ZNF692: variants seen among roughly 807,000 people sequenced by gnomAD.
ZNF692 encodes AICAR responsive element binding protein.
A neutral mutation model predicts 49.0 loss-of-function variants in ZNF692; 41 were observed. That is an observed-to-expected ratio of 0.84 (90% CI 0.65 to 1.08). The LOEUF is 1.08. Among genes scored for constraint, ZNF692 ranks in the 50% least tolerant of loss-of-function variants. ZNF692 has a pLI of 0.00. For missense variants in ZNF692, 662 were observed against 662.2 expected (o/e 1.00, Z 0.00); for synonymous variants, 288 against 251.5 (o/e 1.15, Z -1.37).
chr1:248,856,245 C>T (rs1660219736), intron 6 of ZNF692, 43 bp downstream of exon 6: 1 of 1,538,194 alleles, frequency 6.5e-7, no homozygotes, highest in Admixed American at 2.1e-5. Flanking sequence ...GGCCAGCTGC[C>T]TCCCTCTCTT....
At position 248,858,595 on chromosome 1, in the gene ZNF692, C is replaced by A; in HGVS notation, c.-12-274G>T. The A allele has an allele frequency of 6.5e-7, 1 of 1,537,296 alleles. No individual in the cohort carries two copies. On this transcript the variant is annotated intron_variant, in intron 1 of 11. Transcript: ENST00000306601. The surrounding 1 kb of genome is among the most constrained non-coding windows in gnomAD (Gnocchi z 4.3). ...CGCCCTCCAGTCCACTGAAGTGGAG[C>A]TGTGGGGAAGGGGCGAGAGACTTTC... is the stretch of plus-strand genomic sequence containing the variant.
rs1660529733 is a variant in ZNF692, at chr1:248,858,584, C to T, written c.-12-263G>A. On this transcript the variant is annotated intron_variant, in intron 1 of 11. Transcript: ENST00000306601. This position sits in a 1 kb window ranked among gnomAD's most constrained non-coding sequence, Gnocchi z 4.3. ...ACAAAGGCCTGCGCCCTCCAGTCCACTGAAGTGGAGCTGTGGGGAAGGGGC... is the reference window on the plus strand; with the variant it reads ...ACAAAGGCCTGCGCCCTCCAGTCCATTGAAGTGGAGCTGTGGGGAAGGGGC... 1.9e-6 allele frequency: 3 copies of T among 1,547,504 alleles called. No homozygotes were observed. Among genetic ancestry groups the T allele is most frequent in the African/African-American group, 1.4e-5 (1 of 73,076 alleles).
chr1:248,856,040 A>T lies in ZNF692; in HGVS notation c.660-94T>A. The stretch of plus-strand genomic sequence containing the variant: ...AGCCCCTAAACTGAAAAGATCTCAA[A>T]CTTGAAACAACCCTACCCCCACCCT... On this transcript the variant is annotated intron_variant, in intron 6 of 11. Transcript: ENST00000306601. The T allele has an allele frequency of 3.7e-6, 5 of 1,369,148 alleles. No homozygotes were observed. The South Asian group carries it at 6.5e-5, about 18-fold the overall frequency. The allele number at this position is 1,369,148 out of a possible 1,614,324, so 84.8% of individuals were successfully genotyped here.
chr1:248,858,242 C>T lies in ZNF692; in HGVS notation c.68G>A (p.Arg23His). The T allele has an allele frequency of 6.3e-7, 1 of 1,586,982 alleles. No homozygotes were observed. Among genetic ancestry groups the T allele is most frequent in the East Asian group, 2.3e-5 (1 of 43,882 alleles). ...CAGGCGGATGCGGCACTTGCTGCGG[C>T]GCGCGTCCAGCTGCCGCCGCTTCTC... ...RREKRRQLDARRSKCRIRLGG... is the reference protein window; with the variant it reads ...RREKRRQLDAHRSKCRIRLGG... The change falls in exon 2 of 12, where the codon CGC (arginine) becomes CAC (histidine). Residue 23 changes from arginine to histidine, a missense_variant. Arg to His is a conservative substitution (Grantham distance 29). Coordinates refer to ENST00000306601, the MANE Select transcript of ZNF692 (RefSeq NM_017865.4). This position sits in a 1 kb window ranked among gnomAD's most constrained non-coding sequence, Gnocchi z 4.3.
chr1:248,850,982 C>A (rs747141634), intron 10 of ZNF692: 2 of 697,538 alleles, frequency 2.9e-6, no homozygotes, highest in South Asian at 3.0e-5. Flanking sequence ...AGATACGAAC[C>A]CAGCTAAAAG....
In ZNF692 at chr1:248,855,706, G is replaced by T; in HGVS notation, c.881+19C>A. 1 of 1,614,192 alleles carries T rather than the reference G, an allele frequency of 6.2e-7. No homozygotes were observed. The highest frequency in any genetic ancestry group is 8.5e-7 in the Non-Finnish European group (1 of 1,180,022). ...ATCCCAGGACGCCCCTGCCCTTTCT[G>T]TCTCAGCCATCAGGTTACCTGGCCA... On this transcript the variant is annotated intron_variant, in intron 7 of 11. Coordinates refer to ENST00000306601, the MANE Select transcript of ZNF692 (RefSeq NM_017865.4).
chr1:248,857,255 T>G lies in ZNF692; in HGVS notation c.454A>C (p.Thr152Pro), dbSNP rs1457958009. 5.6e-6 allele frequency: 9 copies of G among 1,613,862 alleles called. No homozygotes were observed. The highest frequency in any genetic ancestry group is 7.6e-6 in the Non-Finnish European group (9 of 1,179,892). The change falls in exon 4 of 12, where the codon ACG (threonine) becomes CCG (proline). Residue 152 changes from threonine (T) to proline (P), a missense_variant. Coordinates refer to ENST00000306601, the MANE Select transcript of ZNF692 (RefSeq NM_017865.4). The part of the protein sequence containing the change: ...TTRRSWCSEA[T>P]SGQELADLES... Reference sequence around the variant, plus strand: ...CTACCTGCAAGCTCCTGCCCACTCGTGGCCTCGGAACACCAACTTCTCCGA... The same window carrying G: ...CTACCTGCAAGCTCCTGCCCACTCGGGGCCTCGGAACACCAACTTCTCCGA...
At position 248,858,278 on chromosome 1, in the gene ZNF692, C is replaced by T. The variant is rs1340438067; in HGVS notation, c.32G>A (p.Cys11Tyr). MASSPAVDVS[C>Y]RRREKRRQLD... ...CTGCCGCCGCTTCTCCCGCCGCCTG[C>T]AGGACACGTCCACCGCCGGGGAGGA... is the stretch of plus-strand genomic sequence containing the variant. The change falls in exon 2 of 12, where the codon TGC becomes TAC. Residue 11 changes from cysteine to tyrosine, a missense_variant. By Grantham distance (194) the Cys-to-Tyr change is radical (BLOSUM62 -2). Coordinates refer to ENST00000306601, the MANE Select transcript of ZNF692 (RefSeq NM_017865.4). This position sits in a 1 kb window ranked among gnomAD's most constrained non-coding sequence, Gnocchi z 4.3. 1 of 1,582,196 alleles carries T rather than the reference C, an allele frequency of 6.3e-7. No homozygotes were observed.
chr1:248,856,331 G>T lies in ZNF692; in HGVS notation c.616C>A (p.Leu206Ile). 1.9e-6 allele frequency: 3 copies of T among 1,609,440 alleles called. No individual in the cohort carries two copies. The highest frequency in any genetic ancestry group is 2.5e-6 in the Non-Finnish European group (3 of 1,177,408). ...EDNDEDEEEM[L>I]SDASLWTYSS... Reference sequence around the variant, plus strand: ...TAGGTCCATAAGCTGGCATCACTGAGCATCTCCTCTTCATCCTCATCATTG... The same window carrying T: ...TAGGTCCATAAGCTGGCATCACTGATCATCTCCTCTTCATCCTCATCATTG... The change falls in exon 6 of 12, where the codon CTC (leucine) becomes ATC (isoleucine). Residue 206 changes from leucine to isoleucine, a missense_variant. Coordinates refer to ENST00000306601, the MANE Select transcript of ZNF692 (RefSeq NM_017865.4).
intron 10 of ZNF692, 91 bp from the exon 11 acceptor site, chr1:248,850,872 C>G (rs1659494662): frequency 8.8e-7 from 1 of 1,133,110 alleles, no homozygotes; most frequent in Admixed American, 2.0e-5. Flanking sequence ...CCAGAGTGCA[C>G]CGTATTGGAG....
chr1:248,853,655 C>A (rs1021985009), intron 10 of ZNF692, among the ~76,000 whole-genome samples: 3 of 152,230 alleles, frequency 2.0e-5, no homozygotes, highest in Admixed American at 1.3e-4. Context: ...TCTTCATAGC[C>A]CTGTATCACT....
chr1:248,857,367 G>A lies in ZNF692; in HGVS notation c.342C>T (p.Cys114=), dbSNP rs768199207. ...GGQDGGLVWE[C]SAGHTFSWGP... is the part of the protein sequence containing the mutation. ...CCCAGGAGAAGGTATGGCCTGCTGA[G>A]CACTCCCACACAAGCCCCCCATCTT... The change falls in exon 4 of 12, where the codon TGC becomes TGT. Residue 114 remains cysteine, a synonymous_variant. Transcript: ENST00000306601. 1.2e-6 allele frequency: 2 copies of A among 1,614,140 alleles called. No individual in the cohort carries two copies. Among genetic ancestry groups the A allele is most frequent in the Admixed American group, 1.7e-5 (1 of 60,016 alleles).
chr1:248,857,166 C>A, intron 4 of ZNF692, 68 bp downstream of exon 4: 1 of 1,469,528 alleles, frequency 6.8e-7, no homozygotes, highest in South Asian at 1.3e-5. Context: ...GAACAGGGTT[C>A]TGAGCTACAG....
At position 248,857,242 on chromosome 1, in the gene ZNF692, T is replaced by A; in HGVS notation, c.467A>T (p.Glu156Val). The change falls in exon 4 of 12, where the codon GAG becomes GTG. Residue 156 changes from glutamate (E) to valine (V), a missense_variant. Coordinates refer to ENST00000306601, the MANE Select transcript of ZNF692 (RefSeq NM_017865.4). ...GCTTTTTTCCAGCCTACCTGCAAGC[T>A]CCTGCCCACTCGTGGCCTCGGAACA... ...SWCSEATSGQ[E>V]LADLESEHDE... The A allele has an allele frequency of 6.2e-7, 1 of 1,608,834 alleles. No homozygotes were observed. The highest frequency in any genetic ancestry group is 1.1e-5 in the South Asian group (1 of 90,930).
chr1:248,858,280 G>C lies in ZNF692; in HGVS notation c.30C>G (p.Ser10=). 6.3e-7 allele frequency: 1 copy of C among 1,582,792 alleles called. No homozygotes were observed. Among genetic ancestry groups the C allele is most frequent in the South Asian group, 1.1e-5 (1 of 88,444 alleles). The part of the protein sequence containing the change: MASSPAVDV[S]CRRREKRRQL... The stretch of plus-strand genomic sequence containing the variant: ...GCCGCCGCTTCTCCCGCCGCCTGCA[G>C]GACACGTCCACCGCCGGGGAGGAAG... Residue 10 remains serine (S), a synonymous_variant, in exon 2 of 12, where the codon TCC becomes TCG. Coordinates refer to ENST00000306601, the MANE Select transcript of ZNF692 (RefSeq NM_017865.4). The surrounding 1 kb of genome is among the most constrained non-coding windows in gnomAD (Gnocchi z 4.3).
At position 248,850,290 on chromosome 1, in the gene ZNF692, C is replaced by A; in HGVS notation, c.1480G>T (p.Ala494Ser). The A allele has an allele frequency of 6.2e-7, 1 of 1,609,474 alleles. No individual in the cohort carries two copies. The highest frequency in any genetic ancestry group is 8.5e-7 in the Non-Finnish European group (1 of 1,177,028). The change falls in exon 12 of 12, where the codon GCC becomes TCC. Residue 494 changes from alanine to serine, a missense_variant. Physicochemically the swap from Ala to Ser is moderately conservative, Grantham distance 99. Transcript: ENST00000306601. ...TCGCTGGATCCCAGAGGCCCAGGGGCAGAGATGCTGGGACAGGGCTCTAGG... is the reference window on the plus strand; with the variant it reads ...TCGCTGGATCCCAGAGGCCCAGGGGAAGAGATGCTGGGACAGGGCTCTAGG... Reference protein sequence around the residue: ...GPLEPCPSISAPGPLGSSEGS... With the variant: ...GPLEPCPSISSPGPLGSSEGS...
At position 248,855,846 on chromosome 1, in the gene ZNF692, C is replaced by A. The variant is rs1255637168; in HGVS notation, c.760G>T (p.Ala254Ser). Residue 254 changes from alanine (A) to serine (S), a missense_variant, in exon 7 of 12, where the codon GCT becomes TCT. Coordinates refer to ENST00000306601, the MANE Select transcript of ZNF692 (RefSeq NM_017865.4). The stretch of plus-strand genomic sequence containing the variant: ...GAGGATGCTGACAAGGCCGGCACAG[C>A]AAGAGGACTGGAGAGTGCTGCAGGG... The part of the protein sequence containing the change: ...PAPAALSSPL[A>S]VPALSASSLS... 6.2e-7 allele frequency: 1 copy of A among 1,614,194 alleles called. No homozygotes were observed. The highest frequency in any genetic ancestry group is 1.7e-5 in the Admixed American group (1 of 60,024).
At chr1:248,851,067 A>G in intron 10 of ZNF692, 8 of 575,122 alleles carry the variant, frequency 1.4e-5, no homozygotes, top group Non-Finnish European at 2.6e-5. Context: ...GAAGTGCACC[A>G]CCCCACCTCA....
At chr1:248,853,841 G>A in intron 10 of ZNF692, 96 bp downstream of exon 10, 1 of 881,484 alleles carries the variant, frequency 1.1e-6, no homozygotes, top group East Asian at 2.5e-5. Context: ...GGACCCCGTA[G>A]AGGGGGAGGT....
Sources: gnomAD v4.1 joint callset for allele counts (sites outside exome capture counted in the v4.1 genomes callset) on GRCh38, gnomAD v4.1.1 for gene constraint, Gnocchi (gnomAD v3.1) non-coding constraint, MANE v1.5 for transcripts, NCBI Gene and HGNC (gene_info 2026-07-23, HGNC 2026-07-21) for gene names.